PTPRD: variants seen among roughly 807,000 people sequenced by gnomAD.
PTPRD encodes the protein receptor-type tyrosine-protein phosphatase delta.
Under a neutral mutation model 214.5 loss-of-function variants are expected in PTPRD, and 34 were observed. The observed-to-expected ratio is 0.16, with a 90% CI of 0.12 to 0.21. The LOEUF is 0.21. Ranked by LOEUF, PTPRD falls within the 10% of genes least tolerant of loss-of-function variation. PTPRD has a pLI of 1.00. For synonymous variants in PTPRD, 1,128 were observed against 845.7 expected, an observed-to-expected ratio of 1.33 and a Z score of -5.79; for missense variants, 2,545 against 2,398.7, an observed-to-expected ratio of 1.06 and a Z score of -1.27.
intron 14 of PTPRD, among the ~76,000 whole-genome samples, chr9:8,598,737 G>A (rs9792470): frequency 0.093 from 14,123 of 152,094 alleles, 850 homozygotes; most frequent in East Asian, 0.22. Flanking sequence ...TTCATTGGAA[G>A]AGCCATTTGT....
chr9:9,264,294 C>G (rs1306137576), intron 9 of PTPRD, among the ~76,000 whole-genome samples: 1 of 151,458 alleles, frequency 6.6e-6, no homozygotes, highest in Non-Finnish European at 1.5e-5. Flanking sequence ...CACAGATAAA[C>G]AACTCAACAA....
At chr9:9,637,323 G>A (rs2095803524) in intron 7 of PTPRD, among the ~76,000 whole-genome samples, 1 of 152,134 alleles carries the variant, frequency 6.6e-6, no homozygotes, top group African/African-American at 2.4e-5. Flanking sequence ...TTCGTATCGG[G>A]GCAACTTGCT....
chr9:10,230,490 A>G (rs200276681), intron 3 of PTPRD, among the ~76,000 whole-genome samples: 2 of 147,934 alleles, frequency 1.4e-5, no homozygotes, highest in African/African-American at 5.0e-5. Flanking sequence ...CTATCTACCT[A>G]TCCATCTATT....
intron 9 of PTPRD, among the ~76,000 whole-genome samples, chr9:9,315,873 C>A (rs891976797): frequency 8.2e-6 from 1 of 121,734 alleles, no homozygotes; most frequent in East Asian, 2.5e-4. Flanking sequence ...ATGTGAGATG[C>A]TAAAAAGTTA....
intron 3 of PTPRD, among the ~76,000 whole-genome samples, chr9:10,205,197 G>T (rs2099463732): frequency 6.6e-6 from 1 of 151,744 alleles, no homozygotes; most frequent in East Asian, 1.9e-4. Flanking sequence ...CATCTTTCTT[G>T]TAGGATTTAT....
chr9:9,838,064 C>T lies in PTPRD; in HGVS notation c.-367-71213G>A, dbSNP rs551668237. Among the ~76,000 whole-genome samples the T allele has an allele frequency of 7.7e-4, 117 of 152,286 alleles. 1 individual carries two copies. Among genetic ancestry groups the T allele is most frequent in the African/African-American group, 2.7e-3 (113 of 41,556 alleles). ...ATAGTTTACTGAGAATGATGATTTC[C>T]AGTTTCATCCATGTCCCTACAAAGG... On this transcript the variant is annotated intron_variant, in intron 5 of 45. Transcript: ENST00000381196.
At chr9:8,683,867 G>A (rs999307912) in intron 12 of PTPRD, among the ~76,000 whole-genome samples, 1 of 152,206 alleles carries the variant, frequency 6.6e-6, no homozygotes, top group Admixed American at 6.5e-5. Flanking sequence ...TAAGACGTAA[G>A]GGTTCCAACT....
At chr9:9,773,812 G>T (rs1208858978) in intron 5 of PTPRD, among the ~76,000 whole-genome samples, 1 of 152,070 alleles carries the variant, frequency 6.6e-6, no homozygotes, top group South Asian at 2.1e-4. Context: ...CAGGTGCAAG[G>T]CCCTTTTGGT....
In PTPRD at chr9:9,038,864, AT is replaced by A. The variant is rs1025049278; in HGVS notation, c.-142-20130del. On this transcript the variant is annotated intron_variant, in intron 10 of 45. Coordinates refer to ENST00000381196, the MANE Select transcript of PTPRD (RefSeq NM_002839.4). ...GAGCCACCCCGCCCAGCAGATAACT[AT>A]TTTTTTTTAATTTAAAAATTTTTCC... 1.5e-4 allele frequency among the ~76,000 whole-genome samples: 23 copies of A among 150,944 alleles called. No individual in the cohort carries two copies. The East Asian group carries it at 3.1e-3, about 20-fold the overall frequency.
At chr9:8,680,953 G>A (rs547100356) in intron 12 of PTPRD, among the ~76,000 whole-genome samples, 7 of 152,304 alleles carry the variant, frequency 4.6e-5, no homozygotes, top group Admixed American at 1.3e-4. Context: ...CACAATGGAG[G>A]ATAGGAAAGG....
chr9:10,610,876 C>T (rs2080802244), intron 2 of PTPRD, among the ~76,000 whole-genome samples: 1 of 152,054 alleles, frequency 6.6e-6, no homozygotes, highest in African/African-American at 2.4e-5. Flanking sequence ...TCTAAAACAT[C>T]TCTACTTTTT....
intron 31 of PTPRD, among the ~76,000 whole-genome samples, chr9:8,470,634 T>A (rs1414870849): frequency 6.6e-6 from 1 of 152,106 alleles, no homozygotes; most frequent in African/African-American, 2.4e-5. Flanking sequence ...CAGCAACTGT[T>A]GCACTAATGA....
intron 30 of PTPRD, among the ~76,000 whole-genome samples, chr9:8,473,122 G>C (rs1163637192): frequency 1.3e-5 from 2 of 152,168 alleles, no homozygotes; most frequent in Admixed American, 1.3e-4. Context: ...TAAAGAGCTT[G>C]TCAAACTTCT....
chr9:9,875,069 C>T (rs1310094249), intron 5 of PTPRD, among the ~76,000 whole-genome samples: 2 of 152,004 alleles, frequency 1.3e-5, no homozygotes, highest in African/African-American at 2.4e-5. Flanking sequence ...AAGTTTTAAC[C>T]TATACATCAA....
At chr9:10,387,557 T>C (rs544055802) in intron 2 of PTPRD, among the ~76,000 whole-genome samples, 5 of 151,790 alleles carry the variant, frequency 3.3e-5, no homozygotes, top group African/African-American at 4.8e-5. Flanking sequence ...GGAAATTACA[T>C]TGTGGATCCA....
intron 7 of PTPRD, among the ~76,000 whole-genome samples, chr9:9,576,349 A>G (rs372385945): frequency 1.3e-5 from 2 of 152,170 alleles, no homozygotes; most frequent in African/African-American, 4.8e-5. Context: ...ACAAAATATC[A>G]CTATCACGGA....
At chr9:10,266,986 C>T (rs867857448) in intron 3 of PTPRD, among the ~76,000 whole-genome samples, 3 of 151,638 alleles carry the variant, frequency 2.0e-5, no homozygotes, top group South Asian at 2.1e-4. Context: ...GTCAGGAGTT[C>T]GAGACCAGCC....
chr9:8,344,700 T>G (rs1255094909), intron 39 of PTPRD, among the ~76,000 whole-genome samples: 1 of 152,046 alleles, frequency 6.6e-6, no homozygotes, highest in African/African-American at 2.4e-5. Flanking sequence ...AAACATTAAA[T>G]AAGTGTTTTC....
At chr9:10,429,931 T>C (rs181974632) in intron 2 of PTPRD, among the ~76,000 whole-genome samples, 2 of 152,072 alleles carry the variant, frequency 1.3e-5, no homozygotes, top group East Asian at 3.9e-4. Context: ...AATATTTTCA[T>C]TGTAAAAGGC....
Sources: allele counts gnomAD v4.1 joint callset (sites outside exome capture counted in the v4.1 genomes callset), GRCh38; gene constraint gnomAD v4.1.1; transcripts MANE v1.5; gene names NCBI Gene and HGNC (gene_info 2026-07-23, HGNC 2026-07-21).